Variants in GPR39 observed in about 807,000 individuals in gnomAD.
GPR39 encodes G protein-coupled receptor 39.
Under a neutral mutation model 18.4 loss-of-function variants are expected in GPR39, and 23 were observed. That is an observed-to-expected ratio of 1.25 (90% CI 0.90 to 1.77). GPR39 has a LOEUF of 1.77. Among genes scored for constraint, GPR39 ranks in the 40% most tolerant of loss-of-function variants. GPR39 has a pLI of 0.00. For missense variants in GPR39, 647 were observed against 602.4 expected, an observed-to-expected ratio of 1.07 and a Z score of -0.78; for synonymous variants, 280 against 257.9, an observed-to-expected ratio of 1.09 and a Z score of -0.82.
intron 1 of GPR39, among the ~76,000 whole-genome samples, chr2:132,445,395 A>G (rs905658755): frequency 6.6e-5 from 10 of 152,210 alleles, no homozygotes; most frequent in Non-Finnish European, 1.2e-4. Flanking sequence ...TATTAGTCTT[A>G]TCACTCTTTA....
At chr2:132,426,643 T>G (rs1680122613) in intron 1 of GPR39, among the ~76,000 whole-genome samples, 1 of 152,232 alleles carries the variant, frequency 6.6e-6, no homozygotes, top group Non-Finnish European at 1.5e-5. Context: ...GACTTTATCA[T>G]TTTCTGATTT....
chr2:132,619,703 C>T (rs1022411666), intron 1 of GPR39, among the ~76,000 whole-genome samples: 2 of 152,084 alleles, frequency 1.3e-5, no homozygotes, highest in African/African-American at 4.8e-5. Flanking sequence ...ACCTACTTTC[C>T]TTGCACTGGC....
At chr2:132,473,191 G>A (rs1299952840) in intron 1 of GPR39, among the ~76,000 whole-genome samples, 2 of 152,160 alleles carry the variant, frequency 1.3e-5, no homozygotes, top group Admixed American at 1.3e-4. Context: ...TGTAGTAGCA[G>A]GTGTTCTAGG....
intron 1 of GPR39, among the ~76,000 whole-genome samples, chr2:132,477,060 A>T (rs1681144102): frequency 6.6e-6 from 1 of 152,114 alleles, no homozygotes; most frequent in Non-Finnish European, 1.5e-5. Flanking sequence ...GACACTAACC[A>T]TCCATGATTC....
At chr2:132,432,268 C>T (rs1406182280) in intron 1 of GPR39, among the ~76,000 whole-genome samples, 2 of 152,270 alleles carry the variant, frequency 1.3e-5, no homozygotes, top group Non-Finnish European at 2.9e-5. Context: ...GCTGACTTCT[C>T]GCTGTGTCCT....
chr2:132,495,889 C>T (rs1681632837), intron 1 of GPR39, among the ~76,000 whole-genome samples: 3 of 151,998 alleles, frequency 2.0e-5, no homozygotes. Flanking sequence ...CTTTGCACTT[C>T]TTTAGTCCTT....
intron 1 of GPR39, among the ~76,000 whole-genome samples, chr2:132,512,530 C>T (rs1355494899): frequency 6.6e-6 from 1 of 152,122 alleles, no homozygotes; most frequent in Non-Finnish European, 1.5e-5. Context: ...TTGGGGATTC[C>T]AGTTTCAGAA....
At chr2:132,605,476 C>T (rs1681118739) in intron 1 of GPR39, among the ~76,000 whole-genome samples, 1 of 152,068 alleles carries the variant, frequency 6.6e-6, no homozygotes, top group African/African-American at 2.4e-5. Flanking sequence ...CAGAAGCATC[C>T]CTGCTCTCCA....
At chr2:132,587,922 T>G (rs1680760852) in intron 1 of GPR39, among the ~76,000 whole-genome samples, 1 of 152,204 alleles carries the variant, frequency 6.6e-6, no homozygotes, top group Non-Finnish European at 1.5e-5. Context: ...CAGTCTATTA[T>G]GAACATGAGG....
At chr2:132,447,553 C>A (rs1279750910) in intron 1 of GPR39, among the ~76,000 whole-genome samples, 1 of 152,176 alleles carries the variant, frequency 6.6e-6, no homozygotes, top group African/African-American at 2.4e-5. Context: ...TGTATTATAA[C>A]TATTATAACA....
At chr2:132,621,444 G>A (rs1361016521) in intron 1 of GPR39, among the ~76,000 whole-genome samples, 2 of 152,210 alleles carry the variant, frequency 1.3e-5, no homozygotes, top group Non-Finnish European at 2.9e-5. Context: ...TCAGCCACAT[G>A]TCTTGACTTG....
At chr2:132,592,630 T>G (rs1237282961) in intron 1 of GPR39, among the ~76,000 whole-genome samples, 2 of 152,112 alleles carry the variant, frequency 1.3e-5, no homozygotes, top group African/African-American at 4.8e-5. Context: ...GATGCTGTGT[T>G]GGGTAGCAGA....
intron 1 of GPR39, among the ~76,000 whole-genome samples, chr2:132,481,812 G>C (rs542300379): frequency 6.6e-6 from 1 of 152,230 alleles, no homozygotes; most frequent in East Asian, 1.9e-4. Context: ...GCTCAACCTT[G>C]GAGAAGAAGA....
chr2:132,566,245 GTTGT>G (rs1335690771), intron 1 of GPR39, among the ~76,000 whole-genome samples: 5 of 147,444 alleles, frequency 3.4e-5, no homozygotes, highest in Non-Finnish European at 6.0e-5. Flanking sequence ...TTTTGATGGG[GTTGT>G]TTGTTTTTTT....
chr2:132,529,901 G>GA (rs1224888935), intron 1 of GPR39, among the ~76,000 whole-genome samples: 3 of 151,934 alleles, frequency 2.0e-5, no homozygotes, highest in African/African-American at 7.2e-5. Context: ...CAAAGATGGG[G>GA]AAAAAACAGA....
intron 1 of GPR39, among the ~76,000 whole-genome samples, chr2:132,543,361 A>T (rs1679893025): frequency 6.6e-6 from 1 of 152,142 alleles, no homozygotes; most frequent in East Asian, 1.9e-4. Context: ...GGAATTTTCC[A>T]CTGTGGGCAT....
At chr2:132,619,822 CAG>C (rs1558861143) in intron 1 of GPR39, among the ~76,000 whole-genome samples, 28 of 131,438 alleles carry the variant, frequency 2.1e-4, no homozygotes, top group Admixed American at 7.4e-4. Context: ...CACACAGACA[CAG>C]ACACAGACAC....
chr2:132,602,459 A>G (rs1681060170), intron 1 of GPR39, among the ~76,000 whole-genome samples: 1 of 152,204 alleles, frequency 6.6e-6, no homozygotes, highest in African/African-American at 2.4e-5. Context: ...CATAGGGGAA[A>G]TGCTTCAGGA....
chr2:132,639,637 G>A (rs1681824133), intron 1 of GPR39, among the ~76,000 whole-genome samples: 1 of 152,164 alleles, frequency 6.6e-6, no homozygotes, highest in Admixed American at 6.5e-5. Context: ...GAAGAGAGAT[G>A]ATAGATAGAC....
Sources: gnomAD v4.1 joint callset for allele counts (sites outside exome capture counted in the v4.1 genomes callset) on GRCh38, gnomAD v4.1.1 for gene constraint, MANE v1.5 for transcripts, NCBI Gene and HGNC (gene_info 2026-07-23, HGNC 2026-07-21) for gene names.